The following OR56A3 variants were observed in gnomAD, a reference collection of about 807,000 sequenced individuals.
OR56A3 encodes olfactory receptor 56A3.
OR56A3 carries 23 observed loss-of-function variants against 17.5 expected under a neutral mutation model. That is an observed-to-expected ratio of 1.32 (90% CI 0.95 to 1.87). The LOEUF (loss-of-function observed/expected upper bound fraction) is 1.87. Among genes scored for constraint, OR56A3 ranks in the 40% most tolerant of loss-of-function variants. The probability of loss-of-function intolerance (pLI) is 0.00; values close to 1 mark genes in which losing one functional copy is unlikely to be tolerated. For missense variants in OR56A3, 366 were observed against 380.1 expected, an observed-to-expected ratio of 0.96 and a Z score of 0.31; for synonymous variants, 175 against 150.6, an observed-to-expected ratio of 1.16 and a Z score of -1.19.
chr11:5,967,736 G>A, the OR56A3 span: 1 of 1,610,526 alleles, frequency 6.2e-7, no homozygotes, highest in Non-Finnish European at 8.5e-7. Context: ...CTGTGGTGAA[G>A]AAGAGGATGA....
chr11:6,021,414 C>G, the OR56A3 span: 1 of 152,010 alleles, frequency 6.6e-6, no homozygotes, highest in Non-Finnish European at 1.5e-5. Flanking sequence ...ATACCCAACA[C>G]AAAGTAATGA....
At chr11:6,001,985 A>G in the OR56A3 span, 3 of 1,449,318 alleles carry the variant, frequency 2.1e-6, no homozygotes, top group Non-Finnish European at 1.8e-6. Context: ...CATAAAATTA[A>G]TTCCCTATTT....
At chr11:6,012,207 G>A in the OR56A3 span, among the ~76,000 whole-genome samples, 1 of 152,238 alleles carries the variant, frequency 6.6e-6, no homozygotes, top group Non-Finnish European at 1.5e-5. Context: ...CGGAGGTTGA[G>A]CAAGATGAAG....
the OR56A3 span, among the ~76,000 whole-genome samples, chr11:5,956,576 G>A: frequency 3.3e-5 from 5 of 152,182 alleles, no homozygotes. Context: ...TCACAGAGGT[G>A]CCTATACAAT....
chr11:6,021,123 A>G, the OR56A3 span: 16 of 152,110 alleles, frequency 1.1e-4, no homozygotes, highest in Non-Finnish European at 2.4e-4. Flanking sequence ...AATGGAAATT[A>G]TGCCTAAGAA....
the OR56A3 span, chr11:5,994,090 G>A: frequency 1.4e-5 from 7 of 484,094 alleles, no homozygotes; most frequent in Middle Eastern, 6.1e-4. Context: ...CTACTCGTGG[G>A]CCTGGTGCTG....
intron 1 of OR56A3, among the ~76,000 whole-genome samples, chr11:5,944,501 A>G (rs772543608): frequency 1.3e-5 from 2 of 152,180 alleles, no homozygotes; most frequent in Non-Finnish European, 2.9e-5. Flanking sequence ...ATAAAACAAA[A>G]TCCCAAATAA....
downstream of OR56A3, among the ~76,000 whole-genome samples, chr11:5,951,649 T>C (rs1159082465): frequency 2.0e-5 from 3 of 152,136 alleles, no homozygotes; most frequent in Non-Finnish European, 2.9e-5. Context: ...GCCCAGCTGA[T>C]GCTAGTCACT....
the OR56A3 span, among the ~76,000 whole-genome samples, chr11:5,956,800 C>T: frequency 1.3e-5 from 2 of 152,164 alleles, no homozygotes; most frequent in Non-Finnish European, 2.9e-5. Flanking sequence ...AACATACCTA[C>T]CTGCCTAAGC....
intron 2 of OR56A3, among the ~76,000 whole-genome samples, chr11:5,946,166 G>A (rs1288335583): frequency 1.3e-5 from 2 of 152,090 alleles, no homozygotes; most frequent in African/African-American, 4.8e-5. Flanking sequence ...TGTAAATGTG[G>A]GTACCACATC....
the OR56A3 span, among the ~76,000 whole-genome samples, chr11:5,991,437 A>C: frequency 6.6e-6 from 1 of 152,200 alleles, no homozygotes; most frequent in Non-Finnish European, 1.5e-5. Context: ...AGAGAGAGGG[A>C]CAGGTCACAT....
downstream of OR56A3, chr11:5,951,416 AT>A (rs1847907369): frequency 6.6e-6 from 1 of 152,174 alleles, no homozygotes; most frequent in South Asian, 2.1e-4. Context: ...AATAAAATGT[AT>A]TTTATATGAA....
rs886916294 is a variant in OR56A3 at position 5,951,025 on chromosome 11, T to C, written c.*2731T>C. On this transcript the variant is annotated 3_prime_UTR_variant, in exon 3 of 3. Transcript: ENST00000641160. ...ATATGTTTTGCCAAGGAAGTCAGGG[T>C]TTTAGAGGAGAGTAAAGTTTTTTTT... 2 of 152,090 alleles carry C rather than the reference T, an allele frequency of 1.3e-5. No homozygotes were observed. The highest frequency in any genetic ancestry group is 4.8e-5 in the African/African-American group (2 of 41,438). 9.4% of individuals were successfully genotyped at this position (152,090 alleles called of 1,614,324 possible).
the OR56A3 span, among the ~76,000 whole-genome samples, chr11:5,989,379 T>C: frequency 6.6e-6 from 1 of 152,032 alleles, no homozygotes; most frequent in East Asian, 1.9e-4. Flanking sequence ...AAACTAGCCC[T>C]GGGGCTGCTG....
At chr11:6,013,967 G>T in the OR56A3 span, among the ~76,000 whole-genome samples, 1 of 152,116 alleles carries the variant, frequency 6.6e-6, no homozygotes, top group East Asian at 1.9e-4. Context: ...GAGGCCCAAG[G>T]ATCAGCACAA....
chr11:6,006,992 C>G, the OR56A3 span: 9 of 152,332 alleles, frequency 5.9e-5, no homozygotes, highest in East Asian at 1.7e-3. Context: ...TTTATGGACC[C>G]TGACTCCACT....
At chr11:5,958,098 A>C in the OR56A3 span, among the ~76,000 whole-genome samples, 2 of 152,186 alleles carry the variant, frequency 1.3e-5, no homozygotes, top group Admixed American at 1.3e-4. Context: ...ATCTGTGAGC[A>C]TCCATCCCTC....
At chr11:5,970,826 G>A in the OR56A3 span, among the ~76,000 whole-genome samples, 4 of 152,132 alleles carry the variant, frequency 2.6e-5, no homozygotes, top group South Asian at 2.1e-4. Context: ...TACATATAAT[G>A]TATTTTCTCT....
At chr11:6,013,882 C>A in the OR56A3 span, among the ~76,000 whole-genome samples, 2 of 151,938 alleles carry the variant, frequency 1.3e-5, no homozygotes, top group Non-Finnish European at 1.5e-5. Context: ...TCCCAGCAAC[C>A]TGTGCATGCC....
Sources: allele counts gnomAD v4.1 joint callset (sites outside exome capture counted in the v4.1 genomes callset), GRCh38; gene constraint gnomAD v4.1.1; transcripts MANE v1.5; gene names NCBI Gene and HGNC (gene_info 2026-07-23, HGNC 2026-07-21).